Variants in NLGN1 observed in about 807,000 individuals in gnomAD.
The protein encoded by NLGN1 is neuroligin 1, also known as neuroligin-1.
NLGN1 carries 12 observed loss-of-function variants against 65.5 expected under a neutral mutation model. The ratio of observed to expected loss-of-function variants is 0.18; its 90% confidence interval spans 0.12 to 0.30. NLGN1 has a LOEUF of 0.30. Ranked by LOEUF, NLGN1 falls within the 10% of genes least tolerant of loss-of-function variation. NLGN1 has a pLI of 1.00. For missense variants in NLGN1, 750 were observed against 1,007.1 expected, an observed-to-expected ratio of 0.74 and a Z score of 3.46; for synonymous variants, 350 against 359.5, an observed-to-expected ratio of 0.97 and a Z score of 0.30.
At chr3:173,688,558 G>A (rs1456602593) in intron 3 of NLGN1, among the ~76,000 whole-genome samples, 1 of 152,110 alleles carries the variant, frequency 6.6e-6, no homozygotes, top group Non-Finnish European at 1.5e-5. Context: ...AGAGAGCCCT[G>A]TTACTGTCTC....
At chr3:173,498,212 A>G (rs1730364120) in intron 2 of NLGN1, among the ~76,000 whole-genome samples, 1 of 142,654 alleles carries the variant, frequency 7.0e-6, no homozygotes, top group Admixed American at 7.0e-5. Context: ...CACTCCCCCC[A>G]CCCCACAACA....
chr3:173,653,367 G>A (rs1363112557), intron 3 of NLGN1, among the ~76,000 whole-genome samples: 1 of 152,058 alleles, frequency 6.6e-6, no homozygotes, highest in Non-Finnish European at 1.5e-5. Context: ...TATGACATTG[G>A]CTGTGGGTTA....
chr3:174,258,336 A>G (rs1746193098), intron 4 of NLGN1, among the ~76,000 whole-genome samples: 1 of 152,188 alleles, frequency 6.6e-6, no homozygotes, highest in African/African-American at 2.4e-5. Flanking sequence ...AAAGTTGAAA[A>G]GAAGAAAAAG....
At chr3:174,194,481 A>G (rs1411198482) in intron 4 of NLGN1, among the ~76,000 whole-genome samples, 1 of 151,832 alleles carries the variant, frequency 6.6e-6, no homozygotes, top group Non-Finnish European at 1.5e-5. Context: ...AAAAGAAACA[A>G]TCTCCATCAT....
chr3:174,067,719 G>A (rs2152528718), intron 4 of NLGN1, among the ~76,000 whole-genome samples: 1 of 152,258 alleles, frequency 6.6e-6, no homozygotes, highest in Admixed American at 6.6e-5. Context: ...GTTATACCCT[G>A]TACCAGGGCC....
At chr3:174,144,508 C>T (rs1722851096) in intron 4 of NLGN1, among the ~76,000 whole-genome samples, 1 of 152,128 alleles carries the variant, frequency 6.6e-6, no homozygotes, top group Non-Finnish European at 1.5e-5. Flanking sequence ...TCCACAACGG[C>T]TGAACTAATT....
intron 3 of NLGN1, among the ~76,000 whole-genome samples, chr3:173,732,042 A>T (rs1772938042): frequency 6.6e-6 from 1 of 152,064 alleles, no homozygotes; most frequent in Non-Finnish European, 1.5e-5. Context: ...CTAATATACC[A>T]GTGGTTAGGA....
At chr3:173,533,945 G>T (rs1363736505) in intron 2 of NLGN1, among the ~76,000 whole-genome samples, 2 of 152,116 alleles carry the variant, frequency 1.3e-5, no homozygotes, top group East Asian at 3.9e-4. Context: ...TCGTGCCACT[G>T]CACTCCAGCA....
intron 4 of NLGN1, among the ~76,000 whole-genome samples, chr3:174,205,323 T>C (rs1006800448): frequency 1.3e-5 from 2 of 152,188 alleles, no homozygotes; most frequent in South Asian, 4.1e-4. Flanking sequence ...ATTGCAATTT[T>C]CAAAAAGAAA....
At chr3:173,570,678 C>G (rs973583169) in intron 2 of NLGN1, among the ~76,000 whole-genome samples, 1 of 152,034 alleles carries the variant, frequency 6.6e-6, no homozygotes, top group Non-Finnish European at 1.5e-5. Context: ...GTTTTGTTTT[C>G]GCCTGAATTA....
At chr3:174,171,521 C>A (rs1278305667) in intron 4 of NLGN1, among the ~76,000 whole-genome samples, 1 of 151,926 alleles carries the variant, frequency 6.6e-6, no homozygotes, top group African/African-American at 2.4e-5. Flanking sequence ...TAGTTTCTAC[C>A]CTTTTCTAAT....
At chr3:174,136,667 C>A (rs931792164) in intron 4 of NLGN1, 21 of 152,204 alleles carry the variant, frequency 1.4e-4, no homozygotes, top group African/African-American at 5.1e-4. Flanking sequence ...AGCTCTCTTT[C>A]ATTTGAAAAT....
chr3:173,852,233 G>A (rs1431588134), intron 4 of NLGN1, among the ~76,000 whole-genome samples: 17 of 150,670 alleles, frequency 1.1e-4, no homozygotes, highest in Admixed American at 4.6e-4. Context: ...GCGGGCGCCT[G>A]TAGTCCCAGC....
chr3:173,603,933 T>A (rs935615583), intron 2 of NLGN1, among the ~76,000 whole-genome samples: 3 of 152,156 alleles, frequency 2.0e-5, no homozygotes, highest in Non-Finnish European at 4.4e-5. Flanking sequence ...AACAGATTAA[T>A]CTTCTATTGC....
intron 3 of NLGN1, among the ~76,000 whole-genome samples, chr3:173,791,069 A>G (rs988416297): frequency 6.6e-6 from 1 of 152,228 alleles, no homozygotes; most frequent in African/African-American, 2.4e-5. Context: ...TAACAAACAT[A>G]TAAGTTGTCT....
At chr3:173,826,696 A>G (rs1721403392) in intron 4 of NLGN1, among the ~76,000 whole-genome samples, 1 of 152,102 alleles carries the variant, frequency 6.6e-6, no homozygotes, top group South Asian at 2.1e-4. Context: ...GGGGATACAA[A>G]GAGGAGTGAG....
chr3:174,177,454 G>A (rs1247101964), intron 4 of NLGN1, among the ~76,000 whole-genome samples: 1 of 151,866 alleles, frequency 6.6e-6, no homozygotes, highest in Non-Finnish European at 1.5e-5. Flanking sequence ...AATAAATTCT[G>A]CTTGATTCCT....
chr3:173,527,293 G>A (rs1416747227), intron 2 of NLGN1, among the ~76,000 whole-genome samples: 1 of 152,120 alleles, frequency 6.6e-6, no homozygotes, highest in African/African-American at 2.4e-5. Flanking sequence ...GTTTTGATTT[G>A]CATTTCTCTG....
At chr3:173,865,259 A>G (rs1470599057) in intron 4 of NLGN1, among the ~76,000 whole-genome samples, 3 of 151,950 alleles carry the variant, frequency 2.0e-5, no homozygotes, top group Non-Finnish European at 4.4e-5. Context: ...TTTAATCTCA[A>G]TTTTGAACCA....
Sources: gnomAD v4.1 joint callset for allele counts (sites outside exome capture counted in the v4.1 genomes callset) on GRCh38, gnomAD v4.1.1 for gene constraint, MANE v1.5 for transcripts, NCBI Gene and HGNC (gene_info 2026-07-23, HGNC 2026-07-21) for gene names.